Variants in RASA2 observed in about 807,000 individuals in gnomAD.
RASA2 encodes RAS p21 protein activator 2.
A neutral mutation model predicts 118.2 loss-of-function variants in RASA2; 155 were observed. That is an observed-to-expected ratio of 1.31 (90% CI 1.15 to 1.50). The LOEUF is 1.50. RASA2 is among the 40% of genes most tolerant of loss of function. The pLI is 0.00. For synonymous variants in RASA2, 353 were observed against 349.1 expected, an observed-to-expected ratio of 1.01 and a Z score of -0.12; for missense variants, 1,016 against 1,009.6, an observed-to-expected ratio of 1.01 and a Z score of -0.09.
At chr3:141,527,669 A>G (rs899782364) in intron 3 of RASA2, among the ~76,000 whole-genome samples, 2 of 152,042 alleles carry the variant, frequency 1.3e-5, no homozygotes, top group Non-Finnish European at 2.9e-5. Context: ...ATCTTAAGCC[A>G]TTCCTGGTAA....
rs2083680803 is a variant in RASA2, at chr3:141,613,352, A to C, written c.*1039A>C. 6.6e-6 allele frequency: 1 copy of C among 152,170 alleles called. No homozygotes were observed. The highest frequency in any genetic ancestry group is 1.5e-5 in the Non-Finnish European group (1 of 68,028). The allele number at this position is 152,170 out of a possible 1,614,324, so 9.4% of individuals were successfully genotyped here. Reference sequence around the variant, plus strand: ...AGTCTAAAAATAATGCTTTCCTGAAAATGTTTATATTTCATTGCTGTTTCC... The same window carrying C: ...AGTCTAAAAATAATGCTTTCCTGAACATGTTTATATTTCATTGCTGTTTCC... On this transcript the variant is annotated 3_prime_UTR_variant, in exon 24 of 24. Coordinates refer to ENST00000286364, the MANE Select transcript of RASA2 (RefSeq NM_006506.5).
chr3:141,568,756 C>T (rs944339996), intron 9 of RASA2, among the ~76,000 whole-genome samples: 19 of 151,942 alleles, frequency 1.3e-4, no homozygotes, highest in Non-Finnish European at 2.5e-4. Flanking sequence ...TTTTATCTAC[C>T]CTACAGCGTT....
chr3:141,573,271 G>A (rs2082953457), intron 13 of RASA2, 50 bp downstream of exon 13: 2 of 1,494,142 alleles, frequency 1.3e-6, no homozygotes, highest in South Asian at 1.3e-5. Flanking sequence ...GGTCTTAATG[G>A]TGTACCTTTC....
In RASA2 at chr3:141,610,050, G is replaced by A; in HGVS notation, c.2503G>A (p.Ala835Thr). ...EKYRKKRSSS[A>T]KYGSKENPIV... ...ATATAGGAAGAAAAGATCCAGTAGT[G>A]CAAAATATGGGAGCAAGTGAGTAAT... The change falls in exon 23 of 24, where the codon GCA becomes ACA. Residue 835 changes from alanine (A) to threonine (T), a missense_variant. Physicochemically the swap from Ala to Thr is moderately conservative, Grantham distance 58. Around this residue, in one of 2 missense-constraint regions of RASA2, gnomAD observed 120 missense variants for 173.2 expected, o/e 0.69. Coordinates refer to ENST00000286364, the MANE Select transcript of RASA2 (RefSeq NM_006506.5). The A allele has an allele frequency of 2.5e-6, 4 of 1,584,960 alleles. No individual in the cohort carries two copies. Among genetic ancestry groups the A allele is most frequent in the Admixed American group, 1.8e-5 (1 of 55,210 alleles).
intron 4 of RASA2, among the ~76,000 whole-genome samples, chr3:141,530,725 T>C (rs1363336986): frequency 6.6e-6 from 1 of 152,134 alleles, no homozygotes; most frequent in African/African-American, 2.4e-5. Context: ...TAAGTACTTA[T>C]GCACTAACCC....
intron 1 of RASA2, among the ~76,000 whole-genome samples, chr3:141,502,788 C>T (rs1472997517): frequency 6.6e-6 from 1 of 152,056 alleles, no homozygotes; most frequent in South Asian, 2.1e-4. Flanking sequence ...TCATCTTGTC[C>T]AGGACCCTGG....
At chr3:141,603,179 A>G (rs535354351) in intron 19 of RASA2, among the ~76,000 whole-genome samples, 6 of 152,284 alleles carry the variant, frequency 3.9e-5, no homozygotes, top group South Asian at 4.1e-4. Context: ...TCTTAACACT[A>G]TTATCAAAAA....
At chr3:141,500,841 G>C (rs2081768175) in intron 1 of RASA2, among the ~76,000 whole-genome samples, 1 of 152,002 alleles carries the variant, frequency 6.6e-6, no homozygotes, top group Non-Finnish European at 1.5e-5. Flanking sequence ...TTCAAGTGTT[G>C]TCTCTCAGAT....
chr3:141,552,907 G>A (rs1252995176), intron 5 of RASA2, among the ~76,000 whole-genome samples: 1 of 152,140 alleles, frequency 6.6e-6, no homozygotes, highest in Non-Finnish European at 1.5e-5. Context: ...ATTAGAAAAT[G>A]CAGACCCTTA....
At chr3:141,576,574 A>G (rs1166729977) in intron 14 of RASA2, among the ~76,000 whole-genome samples, 1 of 152,182 alleles carries the variant, frequency 6.6e-6, no homozygotes, top group Non-Finnish European at 1.5e-5. Context: ...ATAACTTTTG[A>G]TATTATCAAG....
intron 5 of RASA2, among the ~76,000 whole-genome samples, chr3:141,542,329 A>T (rs2082416663): frequency 6.6e-6 from 1 of 152,094 alleles, no homozygotes; most frequent in African/African-American, 2.4e-5. Context: ...AATGCTTTTG[A>T]GATTCATCCA....
At chr3:141,544,036 C>T (rs985266340) in intron 5 of RASA2, among the ~76,000 whole-genome samples, 1 of 151,952 alleles carries the variant, frequency 6.6e-6, no homozygotes, top group Non-Finnish European at 1.5e-5. Flanking sequence ...CCACCATGCC[C>T]AGCTAATTTT....
intron 1 of RASA2, among the ~76,000 whole-genome samples, chr3:141,495,882 A>G (rs180675468): frequency 2.0e-3 from 301 of 152,390 alleles, no homozygotes; most frequent in African/African-American, 6.7e-3. Context: ...AATGAGGTAT[A>G]TCTATGTTAT....
chr3:141,523,918 G>T (rs1424236092), intron 3 of RASA2, among the ~76,000 whole-genome samples: 1 of 152,146 alleles, frequency 6.6e-6, no homozygotes, highest in Middle Eastern at 3.2e-3. Context: ...AATTGCTAAG[G>T]TCTTTTCCAA....
chr3:141,571,965 A>G (rs532006956), intron 11 of RASA2, among the ~76,000 whole-genome samples: 2 of 150,846 alleles, frequency 1.3e-5, no homozygotes, highest in South Asian at 4.2e-4. Context: ...GTTTTTTTAC[A>G]CACAGAGACA....
intron 19 of RASA2, among the ~76,000 whole-genome samples, chr3:141,596,545 A>G (rs2083370762): frequency 1.3e-5 from 2 of 152,238 alleles, no homozygotes; most frequent in Non-Finnish European, 2.9e-5. Flanking sequence ...ATGAAAAGGT[A>G]AGCAACAGAC....
intron 4 of RASA2, among the ~76,000 whole-genome samples, chr3:141,534,229 C>CATACTTTACA (rs2082296984): frequency 1.3e-5 from 2 of 152,090 alleles, no homozygotes; most frequent in Admixed American, 6.6e-5. Flanking sequence ...TGATAAAAAG[C>CATACTTTACA]ATACTTTACA....
chr3:141,581,015 C>A, intron 16 of RASA2, 85 bp from the exon 17 acceptor site: 1 of 1,350,598 alleles, frequency 7.4e-7, no homozygotes, highest in Non-Finnish European at 9.7e-7. Flanking sequence ...CCTTTTAGGC[C>A]TTAATCCTCA....
intron 1 of RASA2, among the ~76,000 whole-genome samples, chr3:141,507,354 T>TA (rs1220646723): frequency 1.3e-5 from 2 of 152,174 alleles, no homozygotes; most frequent in South Asian, 2.1e-4. Flanking sequence ...AGAGCTTTAA[T>TA]AAAAAAATTT....
Sources: gnomAD v4.1 joint callset for allele counts (sites outside exome capture counted in the v4.1 genomes callset) on GRCh38, gnomAD v4.1.1 for gene constraint, gnomAD v4.1.1 regional missense constraint, MANE v1.5 for transcripts, NCBI Gene and HGNC (gene_info 2026-07-23, HGNC 2026-07-21) for gene names.